The following ARL3 variants were observed in gnomAD, a reference collection of about 807,000 sequenced individuals.
ARL3 encodes the protein ARF like GTPase 3, also known as ADP-ribosylation factor-like protein 3.
In ARL3, 9 loss-of-function variants were observed where a neutral mutation model predicts 26.0. That is an observed-to-expected ratio of 0.35 (90% confidence interval 0.21 to 0.60). The LOEUF (loss-of-function observed/expected upper bound fraction) is 0.60, where lower values mean the gene tolerates loss of function less well. Among genes scored for constraint, ARL3 ranks in the 20% least tolerant of loss-of-function variants. The probability of loss-of-function intolerance (pLI) is 0.78; values close to 1 mark genes in which losing one functional copy is unlikely to be tolerated. For missense variants in ARL3, 158 were observed against 215.7 expected, an observed-to-expected ratio of 0.73 and a Z score of 1.67; for synonymous variants, 71 against 78.4, an observed-to-expected ratio of 0.91 and a Z score of 0.50.
rs147991396 is a variant in ARL3 at position 102,710,010 on chromosome 10, G to A, written c.3+4263C>T. Among the ~76,000 whole-genome samples the A allele has an allele frequency of 1.6e-4, 24 of 152,048 alleles. No homozygotes were observed. In the East Asian group the frequency reaches 3.3e-3, roughly 21 times the overall value. ...GATCACACCAGTGTACTCCAGCCTG[G>A]GCCACAGAGCTAGACTGTTTCAAAA... is the stretch of plus-strand genomic sequence containing the variant. On this transcript the variant is annotated intron_variant, in intron 1 of 5. Transcript: ENST00000260746.
At chr10:102,713,992 G>A (rs1255324656) in intron 1 of ARL3, among the ~76,000 whole-genome samples, 1 of 152,194 alleles carries the variant, frequency 6.6e-6, no homozygotes, top group Non-Finnish European at 1.5e-5. Flanking sequence ...GAGTAATGAT[G>A]GAGCCCGGGC....
intron 1 of ARL3, among the ~76,000 whole-genome samples, chr10:102,710,929 A>C (rs2064335494): frequency 6.6e-6 from 1 of 152,232 alleles, no homozygotes; most frequent in Non-Finnish European, 1.5e-5. Flanking sequence ...TAGGTCATTC[A>C]AAGAAACCAG....
chr10:102,697,936 G>C (rs1420005646), intron 3 of ARL3, among the ~76,000 whole-genome samples: 1 of 152,122 alleles, frequency 6.6e-6, no homozygotes, highest in Non-Finnish European at 1.5e-5. Flanking sequence ...TGAAAAGAAG[G>C]CTCAAGAGTA....
At chr10:102,689,135 C>A (rs531041385) in intron 4 of ARL3, among the ~76,000 whole-genome samples, 11 of 152,176 alleles carry the variant, frequency 7.2e-5, no homozygotes, top group Admixed American at 5.2e-4. Context: ...CCAGCCTGGT[C>A]AACATGGTGA....
At chr10:102,706,779 C>T (rs1050857670) in intron 1 of ARL3, among the ~76,000 whole-genome samples, 1 of 151,978 alleles carries the variant, frequency 6.6e-6, no homozygotes, top group African/African-American at 2.4e-5. Flanking sequence ...TCAAGCAATT[C>T]TTGTGCCTCA....
intron 2 of ARL3, among the ~76,000 whole-genome samples, chr10:102,700,148 C>T (rs1347562330): frequency 2.6e-5 from 4 of 152,134 alleles, no homozygotes; most frequent in African/African-American, 9.7e-5. Context: ...GCGTAGCTCA[C>T]GCCTGTAATC....
At chr10:102,680,319 G>A (rs577802364) in intron 5 of ARL3, among the ~76,000 whole-genome samples, 152 of 152,148 alleles carry the variant, frequency 1.0e-3, no homozygotes, top group Middle Eastern at 3.4e-3. Flanking sequence ...ACGATCTTAC[G>A]GTATGAATAG....
At chr10:102,679,063 G>A (rs1463168557) in intron 5 of ARL3, among the ~76,000 whole-genome samples, 1 of 152,240 alleles carries the variant, frequency 6.6e-6, no homozygotes, top group Non-Finnish European at 1.5e-5. Context: ...GGCTGCCCTG[G>A]GCCCGGGAGG....
chr10:102,676,802 A>G lies in ARL3; in HGVS notation c.*92T>C. On this transcript the variant is annotated 3_prime_UTR_variant, in exon 6 of 6. Transcript: ENST00000260746. The stretch of plus-strand genomic sequence containing the variant: ...TTCAAACAGCTGGAGCTGTACACAG[A>G]TGGAAAAACATTTGGTCAGAAAGCA... 7.4e-7 allele frequency: 1 copy of G among 1,359,518 alleles called. No homozygotes were observed. The highest frequency in any genetic ancestry group is 1.0e-6 in the Non-Finnish European group (1 of 960,018). 84.2% of individuals were successfully genotyped at this position (1,359,518 alleles called of 1,614,324 possible). A position where few individuals can be genotyped will look rare whatever the true frequency, so the allele number is the denominator to read the frequency against.
At chr10:102,681,552 G>T (rs2064156437) in intron 5 of ARL3, among the ~76,000 whole-genome samples, 1 of 152,142 alleles carries the variant, frequency 6.6e-6, no homozygotes, top group African/African-American at 2.4e-5. Context: ...ACTGCTCATG[G>T]CCCCTTTTGT....
chr10:102,689,849 C>CATAT, intron 4 of ARL3, 44 bp downstream of exon 4: 1 of 1,222,852 alleles, frequency 8.2e-7, no homozygotes, highest in Non-Finnish European at 1.1e-6. Context: ...AAAGTACATA[C>CATAT]ATATATATAT....
intron 3 of ARL3, among the ~76,000 whole-genome samples, chr10:102,692,185 C>T (rs1354491562): frequency 4.6e-5 from 7 of 152,160 alleles, no homozygotes; most frequent in Non-Finnish European, 1.0e-4. Flanking sequence ...GCTGTTAGAG[C>T]TTATGATTTA....
intron 1 of ARL3, among the ~76,000 whole-genome samples, chr10:102,708,176 T>G (rs1379528095): frequency 6.6e-6 from 1 of 152,116 alleles, no homozygotes; most frequent in Non-Finnish European, 1.5e-5. Flanking sequence ...CAAGATTTTT[T>G]TTTTTGCTGT....
At chr10:102,700,334 T>G (rs1328506014) in intron 2 of ARL3, among the ~76,000 whole-genome samples, 44 of 131,872 alleles carry the variant, frequency 3.3e-4, no homozygotes, top group African/African-American at 1.3e-3. Context: ...ACTTGAACCC[T>G]GGAGGCAGAG....
intron 2 of ARL3, among the ~76,000 whole-genome samples, chr10:102,700,279 C>G (rs2064272499): frequency 6.6e-6 from 1 of 151,652 alleles, no homozygotes; most frequent in Admixed American, 6.6e-5. Flanking sequence ...CGTGTTGGCG[C>G]ATGCCTGGAG....
intron 2 of ARL3, among the ~76,000 whole-genome samples, chr10:102,701,032 G>A (rs1232440960): frequency 3.3e-5 from 5 of 151,922 alleles, no homozygotes; most frequent in African/African-American, 7.3e-5. Flanking sequence ...CCACTGCACC[G>A]GGCTGGAAGT....
At chr10:102,694,147 C>A (rs2064235123) in intron 3 of ARL3, among the ~76,000 whole-genome samples, 1 of 152,216 alleles carries the variant, frequency 6.6e-6, no homozygotes, top group South Asian at 2.1e-4. Context: ...GCCACCGCGC[C>A]CGGCTAATTT....
chr10:102,701,186 A>G (rs921367051), intron 2 of ARL3, among the ~76,000 whole-genome samples: 1 of 152,206 alleles, frequency 6.6e-6, no homozygotes, highest in African/African-American at 2.4e-5. Flanking sequence ...TATTGCATGA[A>G]CAAGAATTTT....
At chr10:102,683,549 T>C (rs565961423) in intron 5 of ARL3, among the ~76,000 whole-genome samples, 1 of 152,228 alleles carries the variant, frequency 6.6e-6, no homozygotes, top group Non-Finnish European at 1.5e-5. Context: ...CTTGATATCA[T>C]TTCCTGTGAA....
Sources: allele counts gnomAD v4.1 joint callset (sites outside exome capture counted in the v4.1 genomes callset), GRCh38; gene constraint gnomAD v4.1.1; transcripts MANE v1.5; gene names NCBI Gene and HGNC (gene_info 2026-07-23, HGNC 2026-07-21).